Variants in STON1 observed in about 807,000 individuals in gnomAD.
The protein encoded by STON1 is stonin-1.
Under a neutral mutation model 60.9 loss-of-function variants are expected in STON1, and 79 were observed. The ratio of observed to expected loss-of-function variants is 1.30; its 90% CI spans 1.08 to 1.56. The LOEUF is 1.56. Among genes scored for constraint, STON1 ranks in the 40% most tolerant of loss-of-function variants. The probability of loss-of-function intolerance (pLI) is 0.00; values close to 1 mark genes in which losing one functional copy is unlikely to be tolerated. For missense variants in STON1, 1,166 were observed against 858.9 expected (o/e 1.36, Z -4.47); for synonymous variants, 363 against 306.9 (o/e 1.18, Z -1.91).
intron 1 of STON1, among the ~76,000 whole-genome samples, chr2:48,550,117 A>T (rs1672036993): frequency 6.6e-6 from 1 of 152,154 alleles, no homozygotes. Context: ...TGCTCTCACC[A>T]CATGGGAGTC....
intron 1 of STON1, among the ~76,000 whole-genome samples, chr2:48,549,640 C>T (rs1672007467): frequency 6.6e-6 from 1 of 151,326 alleles, no homozygotes; most frequent in Admixed American, 6.6e-5. Flanking sequence ...GGTGAAACCC[C>T]TTCTCTACTA....
At chr2:48,553,648 T>C (rs11683259) in intron 1 of STON1, among the ~76,000 whole-genome samples, 10,173 of 152,004 alleles carry the variant, frequency 0.067, 480 homozygotes, top group Non-Finnish European at 0.1. Context: ...CCACCATGCC[T>C]GGCTAATTTT....
At chr2:48,551,316 C>G (rs1459609248) in intron 1 of STON1, among the ~76,000 whole-genome samples, 2 of 152,176 alleles carry the variant, frequency 1.3e-5, no homozygotes, top group African/African-American at 2.4e-5. Flanking sequence ...CTGAGTCCTC[C>G]TGCAGTGAAG....
intron 1 of STON1, among the ~76,000 whole-genome samples, chr2:48,545,744 G>A (rs1430340901): frequency 1.3e-5 from 2 of 152,180 alleles, no homozygotes; most frequent in Non-Finnish European, 2.9e-5. Flanking sequence ...GTCCTTCCCA[G>A]CACTGACCTC....
At position 48,562,371 on chromosome 2, in the gene STON1, G is replaced by A. The variant is rs75319934; in HGVS notation, c.-47-18216G>A. ...GAACTCCCAGTGGGGATGCCTGCAG[G>A]TTTGACACCGCCTTGCTGCTCAGGG... On this transcript the variant is annotated intron_variant, in intron 1 of 3. Coordinates refer to ENST00000404752, the MANE Select transcript of STON1 (RefSeq NM_006873.4). Among the ~76,000 whole-genome samples the A allele has an allele frequency of 8.3e-3, 1,270 of 152,326 alleles. 21 individuals carry two copies. The highest frequency in any genetic ancestry group is 0.03 in the African/African-American group (1,233 of 41,562).
chr2:48,587,424 C>T (rs950749535), intron 2 of STON1, among the ~76,000 whole-genome samples: 12 of 152,186 alleles, frequency 7.9e-5, no homozygotes, highest in Non-Finnish European at 1.8e-4. Context: ...TCCCAAGTAG[C>T]TGGGACTACA....
intron 3 of STON1, among the ~76,000 whole-genome samples, chr2:48,592,632 T>TA (rs1674589080): frequency 2.0e-5 from 3 of 147,250 alleles, no homozygotes; most frequent in Non-Finnish European, 4.5e-5. Context: ...TTATTATTAT[T>TA]CTATTTTTAG....
chr2:48,580,589 T>A lies in STON1; in HGVS notation c.-45T>A, dbSNP rs781182267. The A allele has an allele frequency of 1.1e-5, 15 of 1,320,280 alleles. No homozygotes were observed. The East Asian group carries it at 3.9e-4, about 34-fold the overall frequency. 81.8% of individuals were successfully genotyped at this position (1,320,280 alleles called of 1,614,324 possible). Reference sequence around the variant, plus strand: ...TCTTTATTTTATTTTTTTAACAGAGTCAACCTATTTGATTTCTTGACAAGA... The same window carrying A: ...TCTTTATTTTATTTTTTTAACAGAGACAACCTATTTGATTTCTTGACAAGA... On this transcript the variant is annotated splice_region_variant and 5_prime_UTR_variant, in exon 2 of 4. Coordinates refer to ENST00000404752, the MANE Select transcript of STON1 (RefSeq NM_006873.4).
chr2:48,582,545 C>T lies in STON1; in HGVS notation c.1912C>T (p.Leu638Phe). The T allele has an allele frequency of 6.2e-7, 1 of 1,606,390 alleles. No individual in the cohort carries two copies. The highest frequency in any genetic ancestry group is 8.5e-7 in the Non-Finnish European group (1 of 1,176,924). The change falls in exon 2 of 4, where the codon CTT becomes TTT. Residue 638 changes from leucine to phenylalanine, a missense_variant. Transcript: ENST00000404752. ...YQAVVWKIDR[L>F]PDKNSSLDHP... ...GGCAGTGGTATGGAAGATAGATCGGCTTCCAGACAAAAATTCAAGTAAATA... is the reference window on the plus strand; with the variant it reads ...GGCAGTGGTATGGAAGATAGATCGGTTTCCAGACAAAAATTCAAGTAAATA...
chr2:48,581,362 C>G lies in STON1; in HGVS notation c.729C>G (p.Asp243Glu), dbSNP rs1349649194. 4 of 1,565,794 alleles carry G rather than the reference C, an allele frequency of 2.6e-6. No homozygotes were observed. Among genetic ancestry groups the G allele is most frequent in the Non-Finnish European group, 3.5e-6 (4 of 1,157,148 alleles). Residue 243 changes from aspartate (D) to glutamate (E), a missense_variant, in exon 2 of 4, where the codon GAC becomes GAG. Transcript: ENST00000404752. ...LEHLQSAENQ[D>E]SLRSLSMHCL... ...ATCTCCAGTCAGCTGAGAACCAAGA[C>G]TCACTTAGAAGTTTGTCTATGCACT...
At position 48,597,229 on chromosome 2, in the gene STON1, AG is replaced by A. The variant is rs1236198680; in HGVS notation, c.*1930del. 2.0e-5 allele frequency: 3 copies of A among 152,176 alleles called. No individual in the cohort carries two copies. Among genetic ancestry groups the A allele is most frequent in the Non-Finnish European group, 2.9e-5 (2 of 68,034 alleles). The allele number at this position is 152,176 out of a possible 1,614,324, so 9.4% of individuals were successfully genotyped here. On this transcript the variant is annotated 3_prime_UTR_variant, in exon 4 of 4. Transcript: ENST00000404752. The stretch of plus-strand genomic sequence containing the variant: ...TTGAGGCTCACTGTTGATGTAGAGT[AG>A]GGCAAATCTGTGTGTGTATGTCATT...
chr2:48,542,872 C>T (rs940044550), intron 1 of STON1, among the ~76,000 whole-genome samples: 2 of 151,816 alleles, frequency 1.3e-5, no homozygotes, highest in Non-Finnish European at 2.9e-5. Flanking sequence ...CCAAGGCACT[C>T]CCGCCTGGAC....
intron 1 of STON1, among the ~76,000 whole-genome samples, chr2:48,572,421 G>A (rs980613803): frequency 6.6e-6 from 1 of 152,222 alleles, no homozygotes; most frequent in Non-Finnish European, 1.5e-5. Flanking sequence ...AAGGTGGACA[G>A]TGAGGGGGTA....
At chr2:48,576,695 A>G (rs1025418948) in intron 1 of STON1, among the ~76,000 whole-genome samples, 1 of 151,958 alleles carries the variant, frequency 6.6e-6, no homozygotes, top group Admixed American at 6.6e-5. Flanking sequence ...AAATTGCATG[A>G]TTTATTTTCT....
intron 1 of STON1, among the ~76,000 whole-genome samples, chr2:48,536,066 G>A (rs1451178704): frequency 1.3e-5 from 2 of 152,080 alleles, no homozygotes; most frequent in Non-Finnish European, 2.9e-5. Flanking sequence ...CAGCCTGGGT[G>A]ACAGAGCGAC....
At chr2:48,549,470 G>T (rs1052780514) in intron 1 of STON1, among the ~76,000 whole-genome samples, 1 of 152,140 alleles carries the variant, frequency 6.6e-6, no homozygotes, top group African/African-American at 2.4e-5. Context: ...TATCAAAGAT[G>T]TGGGTGCCCT....
At chr2:48,537,941 T>A (rs1032803318) in intron 1 of STON1, among the ~76,000 whole-genome samples, 11 of 151,862 alleles carry the variant, frequency 7.2e-5, no homozygotes, top group Admixed American at 7.2e-4. Flanking sequence ...AAAGTAATCA[T>A]AAGTATATGT....
At chr2:48,564,644 C>G (rs1329493552) in intron 1 of STON1, among the ~76,000 whole-genome samples, 4 of 117,020 alleles carry the variant, frequency 3.4e-5, no homozygotes, top group African/African-American at 1.4e-4. Context: ...TTCTCCTTCT[C>G]CTTCTTCTTC....
intron 2 of STON1, among the ~76,000 whole-genome samples, chr2:48,587,384 C>T (rs1192645177): frequency 6.6e-6 from 1 of 152,182 alleles, no homozygotes; most frequent in East Asian, 1.9e-4. Flanking sequence ...CCTCCACCTC[C>T]TGTGTTCAAG....
Sources: gnomAD v4.1 joint callset for allele counts (sites outside exome capture counted in the v4.1 genomes callset) on GRCh38, gnomAD v4.1.1 for gene constraint, MANE v1.5 for transcripts, NCBI Gene and HGNC (gene_info 2026-07-23, HGNC 2026-07-21) for gene names.